Variants in CNTN5 observed in about 807,000 individuals in gnomAD.
CNTN5 encodes contactin-5.
In CNTN5, 77 loss-of-function variants were observed where a neutral mutation model predicts 129.1. The observed-to-expected ratio is 0.60, with a 90% CI of 0.50 to 0.72. The LOEUF (loss-of-function observed/expected upper bound fraction) is 0.72. Among genes scored for constraint, CNTN5 ranks in the 30% least tolerant of loss-of-function variants. The pLI is 0.00. For synonymous variants in CNTN5, 509 were observed against 465.6 expected (o/e 1.09, Z -1.20); for missense variants, 1,478 against 1,328.8 (o/e 1.11, Z -1.75).
At chr11:99,099,440 C>T (rs4237593) in intron 1 of CNTN5, among the ~76,000 whole-genome samples, 78,417 of 151,694 alleles carry the variant, frequency 0.52, 20,473 homozygotes, top group East Asian at 0.6. Context: ...GAGAACTTAC[C>T]GTTATGAACA....
chr11:100,286,021 C>A (rs1422647483), intron 18 of CNTN5, among the ~76,000 whole-genome samples: 1 of 152,194 alleles, frequency 6.6e-6, no homozygotes, highest in African/African-American at 2.4e-5. Flanking sequence ...TCGGGTCACT[C>A]CCACCCTAAT....
chr11:99,258,321 A>T (rs995582992), intron 1 of CNTN5, among the ~76,000 whole-genome samples: 1 of 151,888 alleles, frequency 6.6e-6, no homozygotes, highest in African/African-American at 2.4e-5. Flanking sequence ...AGTGGGCCCC[A>T]GTGTTTGCTG....
At chr11:99,937,062 A>C (rs1416908572) in intron 7 of CNTN5, among the ~76,000 whole-genome samples, 1 of 152,168 alleles carries the variant, frequency 6.6e-6, no homozygotes, top group African/African-American at 2.4e-5. Flanking sequence ...CTAAAGGAAA[A>C]AGAAAAAAAA....
intron 1 of CNTN5, among the ~76,000 whole-genome samples, chr11:99,091,021 C>CAAAAAAAAAAA (rs68113369): frequency 2.1e-4 from 12 of 56,760 alleles, no homozygotes; most frequent in African/African-American, 5.9e-4. Context: ...GACTCCGTCT[C>CAAAAAAAAAAA]AAAAAAAAAA....
At chr11:99,944,987 A>T (rs1183800392) in intron 7 of CNTN5, among the ~76,000 whole-genome samples, 2 of 152,128 alleles carry the variant, frequency 1.3e-5, no homozygotes, top group Non-Finnish European at 2.9e-5. Flanking sequence ...GTCTAGGGAA[A>T]TAACATGATG....
intron 18 of CNTN5, among the ~76,000 whole-genome samples, chr11:100,277,506 T>A (rs544343603): frequency 4.2e-4 from 64 of 152,210 alleles, no homozygotes; most frequent in South Asian, 6.2e-4. Flanking sequence ...CTTTTGAATA[T>A]AAGCCATGTA....
chr11:99,493,865 T>C (rs948573723), intron 2 of CNTN5, among the ~76,000 whole-genome samples: 1 of 145,502 alleles, frequency 6.9e-6, no homozygotes, highest in East Asian at 1.9e-4. Flanking sequence ...TTCTATAAGA[T>C]TTTACCAAGA....
chr11:100,086,585 TAGAA>T (rs1223352060), intron 13 of CNTN5, among the ~76,000 whole-genome samples: 1 of 151,054 alleles, frequency 6.6e-6, no homozygotes, highest in Non-Finnish European at 1.5e-5. Context: ...TATGAGATAA[TAGAA>T]AGCATAAAAT....
intron 13 of CNTN5, among the ~76,000 whole-genome samples, chr11:100,161,824 G>A (rs1947456229): frequency 2.7e-5 from 2 of 72,904 alleles, no homozygotes; most frequent in African/African-American, 6.2e-5. Context: ...TAGCCCTGGA[G>A]CTTCCTACAC....
At chr11:99,233,533 T>C in intron 1 of CNTN5, among the ~76,000 whole-genome samples, 1 of 152,230 alleles carries the variant, frequency 6.6e-6, no homozygotes, top group Non-Finnish European at 1.5e-5. Context: ...TTCTTGATTC[T>C]TGTATTCTGT....
intron 3 of CNTN5, among the ~76,000 whole-genome samples, chr11:99,636,393 TG>T (rs1175386043): frequency 3.2e-4 from 45 of 142,566 alleles, no homozygotes; most frequent in African/African-American, 9.7e-4. Flanking sequence ...TCTTTTTTTT[TG>T]TTGTTGTTGT....
intron 24 of CNTN5, among the ~76,000 whole-genome samples, chr11:100,351,406 A>T (rs150040312): frequency 4.5e-4 from 68 of 151,562 alleles, no homozygotes; most frequent in African/African-American, 1.6e-3. Context: ...TGCTTTACAT[A>T]CATCATCTAA....
intron 2 of CNTN5, among the ~76,000 whole-genome samples, chr11:99,537,940 A>G (rs906949635): frequency 2.8e-4 from 42 of 152,154 alleles, no homozygotes; most frequent in Non-Finnish European, 2.9e-5. Context: ...TTAAATGTCA[A>G]ATACAATTTG....
At chr11:99,790,769 C>T (rs959919426) in intron 3 of CNTN5, among the ~76,000 whole-genome samples, 4 of 152,090 alleles carry the variant, frequency 2.6e-5, no homozygotes, top group Non-Finnish European at 4.4e-5. Flanking sequence ...CAATGCTGAA[C>T]TAAGTTACAT....
At chr11:99,212,022 C>T (rs1022216853) in intron 1 of CNTN5, among the ~76,000 whole-genome samples, 11 of 152,092 alleles carry the variant, frequency 7.2e-5, no homozygotes, top group African/African-American at 2.7e-4. Flanking sequence ...AACTTTCCGG[C>T]CAGTGCAGTT....
At chr11:99,289,184 A>G (rs1391265567) in intron 1 of CNTN5, among the ~76,000 whole-genome samples, 3 of 151,872 alleles carry the variant, frequency 2.0e-5, no homozygotes, top group African/African-American at 7.2e-5. Context: ...ACTAATAAAG[A>G]TTCATTATGC....
At chr11:99,461,650 C>G (rs1199365380) in intron 2 of CNTN5, among the ~76,000 whole-genome samples, 1 of 152,018 alleles carries the variant, frequency 6.6e-6, no homozygotes, top group Non-Finnish European at 1.5e-5. Flanking sequence ...TGGAGCTGAG[C>G]CTGTCAAAAG....
chr11:100,113,436 A>G (rs1945722806), intron 13 of CNTN5, among the ~76,000 whole-genome samples: 1 of 142,630 alleles, frequency 7.0e-6, no homozygotes, highest in Non-Finnish European at 1.5e-5. Flanking sequence ...AAAAAAAAAA[A>G]AAAAAAAAAA....
intron 3 of CNTN5, among the ~76,000 whole-genome samples, chr11:99,673,623 T>A (rs1458632685): frequency 3.3e-5 from 5 of 152,110 alleles, no homozygotes; most frequent in African/African-American, 9.7e-5. Flanking sequence ...TAAGCCCCAG[T>A]GTGTGTTGTT....
Sources: gnomAD v4.1 joint callset for allele counts (sites outside exome capture counted in the v4.1 genomes callset) on GRCh38, gnomAD v4.1.1 for gene constraint, MANE v1.5 for transcripts, NCBI Gene and HGNC (gene_info 2026-07-23, HGNC 2026-07-21) for gene names.